KIF27: variants seen among roughly 807,000 people sequenced by gnomAD.
The protein encoded by KIF27 is kinesin-like protein KIF27.
In KIF27, 84 loss-of-function variants were observed where a neutral mutation model predicts 141.8. That is an observed-to-expected ratio of 0.59 (90% CI 0.50 to 0.71). The LOEUF is 0.71. KIF27 is among the 30% of genes least tolerant of loss of function. KIF27 has a pLI of 0.00. For missense variants in KIF27, 1,306 were observed against 1,628.4 expected, an observed-to-expected ratio of 0.80 and a Z score of 3.41; for synonymous variants, 471 against 569.5, an observed-to-expected ratio of 0.83 and a Z score of 2.46.
At chr9:83,879,526 A>C (rs1951504174) in intron 11 of KIF27, among the ~76,000 whole-genome samples, 1 of 151,978 alleles carries the variant, frequency 6.6e-6, no homozygotes, top group Non-Finnish European at 1.5e-5. Flanking sequence ...GGAAATCTCC[A>C]ATTATGTCCC....
intron 2 of KIF27, among the ~76,000 whole-genome samples, chr9:83,913,965 C>G (rs1053543614): frequency 1.3e-5 from 2 of 151,740 alleles, no homozygotes; most frequent in African/African-American, 4.8e-5. Flanking sequence ...AAGAAAACAC[C>G]ATCCAAAATG....
At chr9:83,902,929 A>C (rs1240140654) in intron 4 of KIF27, 131 bp downstream of exon 4, 1 of 549,902 alleles carries the variant, frequency 1.8e-6, no homozygotes, top group Non-Finnish European at 3.0e-6. Flanking sequence ...TACTTGCCCA[A>C]ATAAATTTAG....
At chr9:83,879,645 G>A (rs1293733344) in intron 11 of KIF27, among the ~76,000 whole-genome samples, 1 of 151,948 alleles carries the variant, frequency 6.6e-6, no homozygotes, top group East Asian at 1.9e-4. Flanking sequence ...AGCCCTGTGG[G>A]ACAAGTAGGA....
chr9:83,861,162 C>T (rs1949861763), intron 13 of KIF27, among the ~76,000 whole-genome samples: 1 of 150,296 alleles, frequency 6.7e-6, no homozygotes, highest in Admixed American at 6.6e-5. Flanking sequence ...TTTTGCTGGC[C>T]CCTTGATGGG....
At chr9:83,900,365 CAG>C (rs1355673066) in intron 4 of KIF27, among the ~76,000 whole-genome samples, 2 of 140,952 alleles carry the variant, frequency 1.4e-5, no homozygotes, top group Non-Finnish European at 3.1e-5. Flanking sequence ...ATGAAATAAA[CAG>C]AAAATTATTT....
intron 11 of KIF27, 172 bp downstream of exon 11, chr9:83,880,125 A>C (rs1402416929): frequency 2.2e-6 from 2 of 901,552 alleles, no homozygotes; most frequent in Non-Finnish European, 3.3e-6. Flanking sequence ...AAATTCAATA[A>C]GTAGGTTTTA....
rs569463538 is a variant in KIF27 at position 83,871,932 on chromosome 9, C to T, written c.2644-1300G>A. On this transcript the variant is annotated intron_variant, in intron 11 of 17. Transcript: ENST00000297814. ...GGCCAGGCTGGTCTCGAACTCCTGA[C>T]CTCAGGTGATCCACCTGCCTCAGCC... Among the ~76,000 whole-genome samples, 4 of 151,148 alleles carry T rather than the reference C, an allele frequency of 2.6e-5. No individual in the cohort carries two copies. In the East Asian group the frequency reaches 8.0e-4, roughly 30 times the overall value.
At chr9:83,874,755 A>G (rs1403579948) in intron 11 of KIF27, among the ~76,000 whole-genome samples, 2 of 151,836 alleles carry the variant, frequency 1.3e-5, no homozygotes, top group Non-Finnish European at 2.9e-5. Flanking sequence ...GCAATATAGT[A>G]AGACCCTATC....
At chr9:83,915,264 A>G in intron 2 of KIF27, 30 bp downstream of exon 2, 1 of 1,549,016 alleles carries the variant, frequency 6.5e-7, no homozygotes, top group Non-Finnish European at 8.7e-7. Context: ...TAGCGTCACA[A>G]ATAAAAGTCA....
At chr9:83,874,567 T>C (rs2132105381) in intron 11 of KIF27, among the ~76,000 whole-genome samples, 1 of 152,290 alleles carries the variant, frequency 6.6e-6, no homozygotes, top group East Asian at 1.9e-4. Flanking sequence ...TCTGTTCCTT[T>C]TTCTGGAATA....
chr9:83,844,307 G>T (rs142715922), intron 16 of KIF27, among the ~76,000 whole-genome samples: 2,349 of 76,296 alleles, frequency 0.031, 71 homozygotes, highest in African/African-American at 0.17. Flanking sequence ...TATATATAGA[G>T]AGAGATATAG....
At chr9:83,855,804 A>C (rs1949134116) in intron 14 of KIF27, among the ~76,000 whole-genome samples, 1 of 152,232 alleles carries the variant, frequency 6.6e-6, no homozygotes, top group Non-Finnish European at 1.5e-5. Context: ...ATATTTTATC[A>C]AAAACAAATG....
At chr9:83,880,822 T>C (rs924021031) in intron 10 of KIF27, among the ~76,000 whole-genome samples, 1 of 152,232 alleles carries the variant, frequency 6.6e-6, no homozygotes, top group African/African-American at 2.4e-5. Flanking sequence ...TGAATTTATA[T>C]TTTAAGAGTC....
intron 2 of KIF27, among the ~76,000 whole-genome samples, chr9:83,913,187 A>G (rs1588319275): frequency 6.6e-6 from 1 of 152,204 alleles, no homozygotes; most frequent in East Asian, 1.9e-4. Flanking sequence ...AAAACAAAAA[A>G]CAAAGTGAGA....
In KIF27 at chr9:83,867,723, C is replaced by T. The variant is rs1950486139; in HGVS notation, c.2895G>A (p.Glu965=). The T allele has an allele frequency of 6.2e-7, 1 of 1,608,066 alleles. No homozygotes were observed. Among genetic ancestry groups the T allele is most frequent in the South Asian group, 1.1e-5 (1 of 89,580 alleles). Residue 965 remains glutamate, a synonymous_variant, in exon 13 of 18, where the codon GAG becomes GAA. Transcript: ENST00000297814. The part of the protein sequence containing the change: ...IVSKKEALLQ[E]KSHLENKKLR... The stretch of plus-strand genomic sequence containing the variant: ...ATTTCTTATTTTCCAGGTGACTCTT[C>T]TCCTGTAACAGAGCCTCCTTCTTAG...
intron 5 of KIF27, among the ~76,000 whole-genome samples, chr9:83,896,288 T>C (rs1235027396): frequency 2.0e-5 from 3 of 152,152 alleles, no homozygotes; most frequent in African/African-American, 7.2e-5. Flanking sequence ...GTTTGGATCT[T>C]TTCCATTTAT....
chr9:83,857,840 G>A (rs1482535120), intron 14 of KIF27, among the ~76,000 whole-genome samples: 3 of 152,002 alleles, frequency 2.0e-5, no homozygotes, highest in Non-Finnish European at 4.4e-5. Context: ...TAATGTAAGA[G>A]GTATAGCTGT....
At chr9:83,908,850 A>G (rs1440249107) in intron 2 of KIF27, among the ~76,000 whole-genome samples, 198 bp from the exon 3 acceptor site, 1 of 151,780 alleles carries the variant, frequency 6.6e-6, no homozygotes, top group African/African-American at 2.4e-5. Context: ...ACCTCCGACT[A>G]TCAAATTCAA....
At chr9:83,894,632 C>T (rs1458931133) in intron 5 of KIF27, among the ~76,000 whole-genome samples, 4 of 152,240 alleles carry the variant, frequency 2.6e-5, no homozygotes, top group South Asian at 2.1e-4. Context: ...TTAGTTTCCC[C>T]GCCAGATAAC....
Sources: allele counts gnomAD v4.1 joint callset (sites outside exome capture counted in the v4.1 genomes callset), GRCh38; gene constraint gnomAD v4.1.1; transcripts MANE v1.5; gene names NCBI Gene and HGNC (gene_info 2026-07-23, HGNC 2026-07-21).